Variants in EYS observed in about 807,000 individuals in gnomAD.
The protein encoded by EYS is EGF-like photoreceptor maintenance factor, also known as protein eyes shut homolog.
In EYS, 250 loss-of-function variants were observed where a neutral mutation model predicts 282.1. The observed-to-expected ratio is 0.89, with a 90% CI of 0.80 to 0.98. The LOEUF (loss-of-function observed/expected upper bound fraction) is 0.98, where lower values mean the gene tolerates loss of function less well. Among genes scored for constraint, EYS ranks in the 50% least tolerant of loss-of-function variants. EYS has a pLI of 0.00. For synonymous variants in EYS, 1,355 were observed against 1,282.9 expected (o/e 1.06, Z -1.20); for missense variants, 4,016 against 3,709.0 (o/e 1.08, Z -2.15).
chr6:64,238,128 T>C (rs1766673007), intron 30 of EYS, among the ~76,000 whole-genome samples: 1 of 152,212 alleles, frequency 6.6e-6, no homozygotes, highest in African/African-American at 2.4e-5. Context: ...ATTTTCCTAA[T>C]TTTTCTCACG....
At chr6:64,281,544 T>C (rs1768310882) in intron 30 of EYS, among the ~76,000 whole-genome samples, 2 of 152,120 alleles carry the variant, frequency 1.3e-5, no homozygotes, top group South Asian at 2.1e-4. Flanking sequence ...AAATTTATGT[T>C]CAAGTTTAGC....
At chr6:65,521,594 T>TA (rs1212942349) in intron 2 of EYS, among the ~76,000 whole-genome samples, 4 of 152,100 alleles carry the variant, frequency 2.6e-5, no homozygotes, top group African/African-American at 4.8e-5. Context: ...ACAGTTCATA[T>TA]AAAAAAATCT....
intron 31 of EYS, among the ~76,000 whole-genome samples, chr6:64,196,668 C>T (rs1012824097): frequency 4.0e-5 from 6 of 149,172 alleles, no homozygotes; most frequent in Admixed American, 1.4e-4. Context: ...ACCGCATGTT[C>T]TCACTCATAG....
intron 24 of EYS, among the ~76,000 whole-genome samples, chr6:64,596,063 A>AAG (rs1238909600): frequency 2.6e-5 from 4 of 151,916 alleles, no homozygotes; most frequent in African/African-American, 9.7e-5. Flanking sequence ...AGGAGCAACA[A>AAG]AGAGAGAGAG....
At chr6:65,622,882 C>T (rs1474119153) in intron 2 of EYS, among the ~76,000 whole-genome samples, 1 of 151,910 alleles carries the variant, frequency 6.6e-6, no homozygotes, top group Non-Finnish European at 1.5e-5. Flanking sequence ...ATCACCCTCC[C>T]AAGTAGCTGG....
intron 2 of EYS, among the ~76,000 whole-genome samples, chr6:65,634,416 C>G (rs772276772): frequency 6.6e-6 from 1 of 152,126 alleles, no homozygotes; most frequent in Admixed American, 6.6e-5. Context: ...CATGTTAAGG[C>G]CACTAAATAT....
At chr6:64,352,925 G>T (rs1281099689) in intron 29 of EYS, among the ~76,000 whole-genome samples, 2 of 151,206 alleles carry the variant, frequency 1.3e-5, no homozygotes, top group African/African-American at 4.9e-5. Flanking sequence ...TTTTACCTAG[G>T]TTCTACAGTG....
intron 22 of EYS, among the ~76,000 whole-genome samples, chr6:64,784,810 C>A (rs1035118119): frequency 7.2e-5 from 11 of 152,038 alleles, no homozygotes; most frequent in African/African-American, 2.7e-4. Flanking sequence ...AGAAAGTTCT[C>A]TTAATATCAG....
At chr6:64,624,813 AC>A (rs963332372) in intron 23 of EYS, among the ~76,000 whole-genome samples, 8 of 152,068 alleles carry the variant, frequency 5.3e-5, no homozygotes, top group African/African-American at 1.9e-4. Flanking sequence ...GAAGCCCAGA[AC>A]CCTAGGGTTT....
intron 36 of EYS, among the ~76,000 whole-genome samples, chr6:63,835,564 A>G (rs1257391772): frequency 6.6e-6 from 1 of 151,990 alleles, no homozygotes; most frequent in East Asian, 1.9e-4. Context: ...GATACAATGG[A>G]CTTTGGAGAC....
At chr6:64,685,179 G>A (rs1187669171) in intron 22 of EYS, among the ~76,000 whole-genome samples, 2 of 152,176 alleles carry the variant, frequency 1.3e-5, no homozygotes, top group East Asian at 3.9e-4. Flanking sequence ...CAGAGATAAA[G>A]AAGGGGATTT....
chr6:64,463,159 G>A (rs767149308), intron 26 of EYS, among the ~76,000 whole-genome samples: 2 of 151,890 alleles, frequency 1.3e-5, no homozygotes, highest in Non-Finnish European at 2.9e-5. Flanking sequence ...CACCGTGTTA[G>A]CCAGGATGGT....
intron 41 of EYS, among the ~76,000 whole-genome samples, chr6:63,736,082 A>G (rs1768905497): frequency 6.6e-6 from 1 of 152,038 alleles, no homozygotes; most frequent in Non-Finnish European, 1.5e-5. Context: ...TCTTCACTTA[A>G]AATTCTGTGT....
At chr6:65,599,993 T>A (rs1372791608) in intron 2 of EYS, among the ~76,000 whole-genome samples, 3 of 151,988 alleles carry the variant, frequency 2.0e-5, no homozygotes, top group Non-Finnish European at 4.4e-5. Context: ...CGAGTGTGAG[T>A]CTCTCAGCTT....
chr6:64,812,067 G>C (rs915477605), intron 22 of EYS, among the ~76,000 whole-genome samples: 11 of 151,744 alleles, frequency 7.2e-5, no homozygotes, highest in Non-Finnish European at 1.6e-4. Flanking sequence ...CTTAGTCCAG[G>C]CAATTATTAG....
chr6:64,526,763 T>G (rs1025195522), intron 26 of EYS, among the ~76,000 whole-genome samples: 6 of 151,808 alleles, frequency 4.0e-5, no homozygotes, highest in African/African-American at 1.4e-4. Flanking sequence ...CTAAATCAAT[T>G]GAAGGAATTA....
At chr6:65,023,188 A>G (rs548752607) in intron 13 of EYS, among the ~76,000 whole-genome samples, 7 of 152,306 alleles carry the variant, frequency 4.6e-5, no homozygotes, top group African/African-American at 1.7e-4. Flanking sequence ...ATTTTATCTC[A>G]GTAAAGCTAT....
At chr6:64,866,100 T>C (rs1766417538) in intron 19 of EYS, among the ~76,000 whole-genome samples, 1 of 152,020 alleles carries the variant, frequency 6.6e-6, no homozygotes, top group Admixed American at 6.6e-5. Context: ...CTTATTTTTA[T>C]TACCATATTA....
chr6:64,816,668 C>T (rs1764749078), intron 21 of EYS, among the ~76,000 whole-genome samples: 1 of 152,040 alleles, frequency 6.6e-6, no homozygotes, highest in Admixed American at 6.6e-5. Context: ...AAGTAATAAT[C>T]ACATTTTGTC....
Sources: gnomAD v4.1 joint callset for allele counts (sites outside exome capture counted in the v4.1 genomes callset) on GRCh38, gnomAD v4.1.1 for gene constraint, MANE v1.5 for transcripts, NCBI Gene and HGNC (gene_info 2026-07-23, HGNC 2026-07-21) for gene names.